The following ZKSCAN7 variants were observed in gnomAD, a reference collection of about 807,000 sequenced individuals.
ZKSCAN7 encodes zinc finger protein with KRAB and SCAN domains 7.
In ZKSCAN7, 38 loss-of-function variants were observed where a neutral mutation model predicts 65.3. The observed-to-expected ratio is 0.58, with a 90% CI of 0.45 to 0.76. The LOEUF (loss-of-function observed/expected upper bound fraction) is 0.76, where lower values mean the gene tolerates loss of function less well. Ranked by LOEUF, ZKSCAN7 falls within the 30% of genes least tolerant of loss-of-function variation. The probability of loss-of-function intolerance (pLI) is 0.00; values close to 1 mark genes in which losing one functional copy is unlikely to be tolerated. For missense variants in ZKSCAN7, 815 were observed against 913.3 expected, an observed-to-expected ratio of 0.89 and a Z score of 1.39; for synonymous variants, 321 against 321.0, an observed-to-expected ratio of 1.00 and a Z score of 0.00.
intron 5 of ZKSCAN7, chr3:44,580,619 C>T: frequency 6.2e-7 from 1 of 1,613,914 alleles, no homozygotes; most frequent in South Asian, 1.1e-5. Flanking sequence ...CACTGACGAT[C>T]TCCTTGGTCT....
chr3:44,573,463 T>G (rs1428436554), downstream of ZKSCAN7, among the ~76,000 whole-genome samples: 2 of 152,166 alleles, frequency 1.3e-5, no homozygotes. Context: ...TAGGGACATA[T>G]CTCAGGCAAG....
intron 5 of ZKSCAN7, among the ~76,000 whole-genome samples, chr3:44,578,832 G>A (rs1025388087): frequency 6.6e-6 from 1 of 152,216 alleles, no homozygotes; most frequent in Non-Finnish European, 1.5e-5. Flanking sequence ...TTCTTCTGGT[G>A]CGTTTCTTCC....
At chr3:44,557,652 G>C (rs1259084364) in intron 2 of ZKSCAN7, 182 bp downstream of exon 2, 1 of 766,448 alleles carries the variant, frequency 1.3e-6, no homozygotes, top group East Asian at 2.7e-5. Context: ...GCACATCCCA[G>C]CTAAGCTCTG....
chr3:44,576,551 C>T (rs763725092), downstream of ZKSCAN7, among the ~76,000 whole-genome samples: 1 of 151,946 alleles, frequency 6.6e-6, no homozygotes, highest in Non-Finnish European at 1.5e-5. Flanking sequence ...CCTTAAGTTG[C>T]CAAGGCTTTG....
chr3:44,576,186 C>CA (rs1304729359), downstream of ZKSCAN7, among the ~76,000 whole-genome samples: 4 of 152,070 alleles, frequency 2.6e-5, no homozygotes, highest in African/African-American at 9.7e-5. Flanking sequence ...ACTATTCTGT[C>CA]AAACGTTGGC....
At position 44,570,282 on chromosome 3, in the gene ZKSCAN7, C is replaced by G. The variant is rs374395000; in HGVS notation, c.1172C>G (p.Ala391Gly). The G allele has an allele frequency of 1.2e-6, 2 of 1,614,224 alleles. No homozygotes were observed. Among genetic ancestry groups the G allele is most frequent in the Non-Finnish European group, 1.7e-6 (2 of 1,180,044 alleles). ...TATCGATGTGATGAATGTGGCAAAGCTTTCAATCGGAGTTCTCACCTTATT... is the reference window on the plus strand; with the variant it reads ...TATCGATGTGATGAATGTGGCAAAGGTTTCAATCGGAGTTCTCACCTTATT... ...KSYRCDECGK[A>G]FNRSSHLIGH... is the part of the protein sequence containing the mutation. Residue 391 changes from alanine (A) to glycine (G), a missense_variant, in exon 6 of 6, where the codon GCT becomes GGT. Transcript: ENST00000426540.
chr3:44,556,136 T>C (rs978223573), intron 1 of ZKSCAN7, among the ~76,000 whole-genome samples: 25 of 152,146 alleles, frequency 1.6e-4, no homozygotes, highest in African/African-American at 5.3e-4. Context: ...GGGAGGTGCA[T>C]TGAGTAAAAA....
In ZKSCAN7 at chr3:44,578,386, G is replaced by A. The variant is rs938180535; in HGVS notation, c.812-4586G>A. ...GTGACCCAGTGGCCTCCCCACCGCCGTCCCCAGTCAGCAGCGTCCGCAACC... is the reference window on the plus strand; with the variant it reads ...GTGACCCAGTGGCCTCCCCACCGCCATCCCCAGTCAGCAGCGTCCGCAACC... On this transcript the variant is annotated intron_variant, in intron 5 of 5. Coordinates refer to the ZKSCAN7 transcript ENST00000341840. 4.2e-5 allele frequency: 67 copies of A among 1,613,482 alleles called. No individual in the cohort carries two copies. In the Admixed American group the frequency reaches 7.5e-4, roughly 18 times the overall value.
intron 4 of ZKSCAN7, 41 bp from the exon 5 acceptor site, chr3:44,568,266 G>A (rs771304715): frequency 6.2e-7 from 1 of 1,600,662 alleles, no homozygotes; most frequent in Non-Finnish European, 8.5e-7. Flanking sequence ...CTGCCCTTCA[G>A]GCTGTGAATG....
rs9835485 is a variant in ZKSCAN7 at position 44,570,404 on chromosome 3, A to G, written c.1294A>G (p.Thr432Ala). 484,367 of 1,613,786 alleles carry G rather than the reference A, an allele frequency of 0.3. 78,823 individuals carry two copies. Among genetic ancestry groups the G allele is most frequent in the African/African-American group, 0.42 (31,142 of 74,904 alleles). Residue 432 changes from threonine (T) to alanine (A), a missense_variant, in exon 6 of 6, where the codon ACC becomes GCC. Transcript: ENST00000426540. ...QTSQLIVHLR[T>A]HTGEKPYECS... ...CTCCCAGCTCATTGTTCATCTCAGAACCCACACAGGGGAAAAACCCTATGA... is the reference window on the plus strand; with the variant it reads ...CTCCCAGCTCATTGTTCATCTCAGAGCCCACACAGGGGAAAAACCCTATGA...
intron 2 of ZKSCAN7, among the ~76,000 whole-genome samples, chr3:44,562,192 C>A (rs1242482562): frequency 1.3e-5 from 2 of 152,246 alleles, no homozygotes; most frequent in African/African-American, 4.8e-5. Flanking sequence ...GCAGGCCCAA[C>A]AACATGTGAA....
chr3:44,559,296 A>G (rs1699395112), intron 2 of ZKSCAN7, among the ~76,000 whole-genome samples: 1 of 151,880 alleles, frequency 6.6e-6, no homozygotes, highest in African/African-American at 2.4e-5. Flanking sequence ...TGGATAAGTT[A>G]GTTCTTCCTA....
At chr3:44,560,551 T>G (rs1217522079) in intron 2 of ZKSCAN7, among the ~76,000 whole-genome samples, 2 of 142,882 alleles carry the variant, frequency 1.4e-5, no homozygotes, top group Non-Finnish European at 3.0e-5. Flanking sequence ...CTCACTCTGT[T>G]GCCCAGGCTG....
chr3:44,561,584 A>G (rs1001130614), intron 2 of ZKSCAN7, among the ~76,000 whole-genome samples: 7 of 152,166 alleles, frequency 4.6e-5, no homozygotes, highest in Non-Finnish European at 1.0e-4. Flanking sequence ...AGTCCCTTCC[A>G]CCTATGAGCC....
At chr3:44,566,173 AG>A (rs998624952) in intron 3 of ZKSCAN7, among the ~76,000 whole-genome samples, 7 of 152,200 alleles carry the variant, frequency 4.6e-5, no homozygotes, top group African/African-American at 1.7e-4. Context: ...AGAAAAAAGT[AG>A]CAGGCATGCC....
intron 2 of ZKSCAN7, among the ~76,000 whole-genome samples, chr3:44,563,968 C>T (rs906740279): frequency 2.0e-5 from 3 of 152,198 alleles, no homozygotes; most frequent in African/African-American, 7.2e-5. Context: ...CCTACCACTA[C>T]ACTGGTGAGA....
Position 44,557,265 on chromosome 3 carries a change from G to T in ZKSCAN7, c.218G>T (p.Ser73Ile), listed in dbSNP as rs35999747. 9.3e-4 allele frequency: 1,502 copies of T among 1,614,286 alleles called. 12 individuals are homozygous for T. In the African/African-American group the frequency reaches 0.017, roughly 18 times the overall value. The change falls in exon 2 of 6, where the codon AGC becomes ATC. Residue 73 changes from serine to isoleucine, a missense_variant. Around this residue, in one of 3 missense-constraint regions of ZKSCAN7, gnomAD observed 227 missense variants for 253.3 expected, o/e 0.90. Transcript: ENST00000426540. Reference sequence around the variant, plus strand: ...ATGTCTGGGCCGCAGGAAGCATTGAGCCGGCTTCGGGAGCTCTGCCGCTGG... The same window carrying T: ...ATGTCTGGGCCGCAGGAAGCATTGATCCGGCTTCGGGAGCTCTGCCGCTGG... ...HEMSGPQEAL[S>I]RLRELCRWWL...
rs1290559683 is a variant in ZKSCAN7, at chr3:44,570,012, T to A, written c.902T>A (p.Leu301His). Residue 301 changes from leucine (L) to histidine (H), a missense_variant, in exon 6 of 6, where the codon CTC becomes CAC. Physicochemically the swap from Leu to His is moderately conservative, Grantham distance 99. Around this residue, in one of 3 missense-constraint regions of ZKSCAN7, gnomAD observed 578 missense variants for 629.5 expected, o/e 0.92. Transcript: ENST00000426540. ...SESSNRTSGG[L>H]FGVVPGAAET... ...TCATCTAACAGGACATCAGGGGGACTCTTTGGGGTGGTTCCTGGGGCAGCA... is the reference window on the plus strand; with the variant it reads ...TCATCTAACAGGACATCAGGGGGACACTTTGGGGTGGTTCCTGGGGCAGCA... 1.6e-5 allele frequency: 26 copies of A among 1,612,488 alleles called. No homozygotes were observed. The highest frequency in any genetic ancestry group is 2.1e-5 in the Non-Finnish European group (25 of 1,179,590).
chr3:44,572,849 C>CAAAAAAAAAAAAA (rs11339297), downstream of ZKSCAN7, among the ~76,000 whole-genome samples: 43 of 72,378 alleles, frequency 5.9e-4, no homozygotes, highest in Non-Finnish European at 7.1e-4. Flanking sequence ...GACTCTGTCT[C>CAAAAAAAAAAAAA]AAAAAAAAAA....
Sources: allele counts gnomAD v4.1 joint callset (sites outside exome capture counted in the v4.1 genomes callset), GRCh38; gene constraint gnomAD v4.1.1; regional missense constraint gnomAD v4.1.1; transcripts MANE v1.5; gene names NCBI Gene and HGNC (gene_info 2026-07-23, HGNC 2026-07-21).